The following DROSHA variants were observed in gnomAD, a reference collection of about 807,000 sequenced individuals.
DROSHA encodes the protein drosha ribonuclease III, also known as ribonuclease 3.
In DROSHA, 56 loss-of-function variants were observed where a neutral mutation model predicts 181.9. The ratio of observed to expected loss-of-function variants is 0.31; its 90% CI spans 0.25 to 0.38. DROSHA has a LOEUF of 0.38. DROSHA is among the 10% of genes least tolerant of loss of function. The pLI is 1.00. For missense variants in DROSHA, 1,218 were observed against 1,743.5 expected, an observed-to-expected ratio of 0.70 and a Z score of 5.37; for synonymous variants, 524 against 591.2, an observed-to-expected ratio of 0.89 and a Z score of 1.65.
chr5:31,436,475 C>T (rs1744801794), intron 24 of DROSHA, among the ~76,000 whole-genome samples: 1 of 151,310 alleles, frequency 6.6e-6, no homozygotes, highest in African/African-American at 2.4e-5. Flanking sequence ...TCAATGCAAC[C>T]TCCACCTCCC....
rs1442636699 is a variant in DROSHA at position 31,508,730 on chromosome 5, C to A, written c.1478G>T (p.Cys493Phe). Residue 493 changes from cysteine (C) to phenylalanine (F), a missense_variant, in exon 10 of 36, where the codon TGT becomes TTT. Transcript: ENST00000344624. ...SECESDEDSTCSSSSDSEVFD... is the reference protein window; with the variant it reads ...SECESDEDSTFSSSSDSEVFD... Reference sequence around the variant, plus strand: ...AACTTCAGAGTCTGAGCTGCTAGAACAGGTGCTGTCCTCATCAGACTCACA... The same window carrying A: ...AACTTCAGAGTCTGAGCTGCTAGAAAAGGTGCTGTCCTCATCAGACTCACA... 5 of 1,613,922 alleles carry A rather than the reference C, an allele frequency of 3.1e-6. No individual in the cohort carries two copies. The highest frequency in any genetic ancestry group is 3.3e-5 in the Admixed American group (2 of 60,024).
rs1268448291 is a variant in DROSHA, at chr5:31,503,357, C to T, written c.1668+1198G>A. On this transcript the variant is annotated intron_variant, in intron 11 of 35. Coordinates refer to ENST00000344624, the MANE Select transcript of DROSHA (RefSeq NM_001382508.1). Reference sequence around the variant, plus strand: ...GCTGAGCCCCCAAAATGGGACCATTCCTCCAGGAGACCAAACTGTCACCTG... The same window carrying T: ...GCTGAGCCCCCAAAATGGGACCATTTCTCCAGGAGACCAAACTGTCACCTG... 2.0e-5 allele frequency among the ~76,000 whole-genome samples: 3 copies of T among 152,208 alleles called. No homozygotes were observed. The East Asian group carries it at 5.8e-4, about 29-fold the overall frequency.
At chr5:31,508,475 A>G in intron 10 of DROSHA, 146 bp downstream of exon 10, 1 of 1,162,304 alleles carries the variant, frequency 8.6e-7, no homozygotes, top group Non-Finnish European at 1.2e-6. Flanking sequence ...AACTAACCTG[A>G]AGCTGAAAAG....
chr5:31,434,889 T>TA (rs1744601156), intron 25 of DROSHA, among the ~76,000 whole-genome samples: 1 of 152,210 alleles, frequency 6.6e-6, no homozygotes, highest in African/African-American at 2.4e-5. Flanking sequence ...GTAGCATCAA[T>TA]AAAAACAGCC....
chr5:31,410,990 A>T lies in DROSHA; in HGVS notation c.3526-103T>A, dbSNP rs1169466237. The T allele has an allele frequency of 2.6e-6, 4 of 1,517,356 alleles. No individual in the cohort carries two copies. In the Admixed American group the frequency reaches 7.7e-5, roughly 29 times the overall value. 94.0% of individuals were successfully genotyped at this position (1,517,356 alleles called of 1,614,324 possible). On this transcript the variant is annotated intron_variant, in intron 30 of 35. Transcript: ENST00000344624. ...GCCTGAGAGGCTGTCACTGACAGGG[A>T]CACCAAAATAAGTGAGGTCTATGGC...
intron 23 of DROSHA, among the ~76,000 whole-genome samples, chr5:31,444,851 A>G (rs1248194861): frequency 2.0e-5 from 3 of 152,224 alleles, no homozygotes; most frequent in African/African-American, 7.2e-5. Context: ...AAGAATTTTA[A>G]AGCTCTGTCC....
chr5:31,459,306 T>C (rs1748075651), intron 20 of DROSHA, among the ~76,000 whole-genome samples: 3 of 151,298 alleles, frequency 2.0e-5, no homozygotes, highest in South Asian at 2.1e-4. Context: ...AGCAGGAGGG[T>C]TGCTTAAGCC....
At chr5:31,451,670 CTT>C (rs1349977650) in intron 20 of DROSHA, 30 bp from the exon 21 acceptor site, 1 of 1,523,630 alleles carries the variant, frequency 6.6e-7, no homozygotes, top group African/African-American at 1.4e-5. Flanking sequence ...ATATGTTTAA[CTT>C]TATAAAAACT....
chr5:31,481,909 G>A (rs113998085), intron 16 of DROSHA, among the ~76,000 whole-genome samples: 3,029 of 152,274 alleles, frequency 0.02, 92 homozygotes, highest in African/African-American at 0.069. Context: ...GGCTGCCTCT[G>A]GCATCGGCAG....
intron 30 of DROSHA, among the ~76,000 whole-genome samples, chr5:31,412,363 C>T (rs554739541): frequency 2.0e-5 from 3 of 152,284 alleles, no homozygotes; most frequent in South Asian, 4.2e-4. Context: ...AAAACAGGGA[C>T]GAGGAACAGG....
At chr5:31,467,615 GA>G (rs1465660279) in intron 18 of DROSHA, 1 of 152,836 alleles carries the variant, frequency 6.5e-6, no homozygotes, top group Non-Finnish European at 1.5e-5. Flanking sequence ...AGAGGGCACT[GA>G]AAAAATAAAA....
At chr5:31,421,499 C>T in intron 29 of DROSHA, 122 bp from the exon 30 acceptor site, 1 of 784,578 alleles carries the variant, frequency 1.3e-6, no homozygotes, top group South Asian at 1.7e-5. Flanking sequence ...TTTTAAAGCA[C>T]AAAACCAAAT....
At chr5:31,523,578 CA>C (rs1740157052) in intron 5 of DROSHA, among the ~76,000 whole-genome samples, 1 of 152,166 alleles carries the variant, frequency 6.6e-6, no homozygotes, top group Non-Finnish European at 1.5e-5. Flanking sequence ...AATGTTTTCC[CA>C]GAAGCAAAAT....
In DROSHA at chr5:31,411,025, C is replaced by T. The variant is rs931753417; in HGVS notation, c.3526-138G>A. 8.2e-7 allele frequency: 1 copy of T among 1,217,192 alleles called. No individual in the cohort carries two copies. The highest frequency in any genetic ancestry group is 1.5e-5 in the African/African-American group (1 of 65,950). 75.4% of individuals were successfully genotyped at this position (1,217,192 alleles called of 1,614,324 possible). A position where few individuals can be genotyped will look rare whatever the true frequency, so the allele number is the denominator to read the frequency against. ...AAGTGAGGTCTATGGCCTCAACCAT[C>T]ACCCAGATGACAGTGATATGCTCCA... On this transcript the variant is annotated intron_variant, in intron 30 of 35. Transcript: ENST00000344624. This position sits in a 1 kb window ranked among gnomAD's most constrained non-coding sequence, Gnocchi z 4.2.
At position 31,529,032 on chromosome 5, in the gene DROSHA, G is replaced by C; in HGVS notation, c.20+8C>G. On this transcript the variant is annotated splice_region_variant and intron_variant, in intron 4 of 35. Coordinates refer to ENST00000344624, the MANE Select transcript of DROSHA (RefSeq NM_001382508.1). ...CCAAACTATTGCCATTCCCATCACG[G>C]CACTCACCATGTGTTTCCCTGCATC... 1 of 1,612,836 alleles carries C rather than the reference G, an allele frequency of 6.2e-7. No homozygotes were observed. The highest frequency in any genetic ancestry group is 8.5e-7 in the Non-Finnish European group (1 of 1,179,544).
At chr5:31,516,688 G>C (rs1200458642) in intron 6 of DROSHA, among the ~76,000 whole-genome samples, 2 of 152,158 alleles carry the variant, frequency 1.3e-5, no homozygotes, top group African/African-American at 4.8e-5. Flanking sequence ...ACCACTCAGA[G>C]AAAATCACTA....
chr5:31,437,362 C>T (rs939292767), intron 23 of DROSHA, 64 bp from the exon 24 acceptor site: 3 of 1,182,028 alleles, frequency 2.5e-6, no homozygotes, highest in Admixed American at 5.0e-5. Flanking sequence ...ACCCACCCAC[C>T]CCCGCAAGAA....
At chr5:31,501,785 T>C (rs928527062) in intron 11 of DROSHA, among the ~76,000 whole-genome samples, 4 of 152,168 alleles carry the variant, frequency 2.6e-5, no homozygotes, top group African/African-American at 9.7e-5. Context: ...TTCACAGACA[T>C]TTATAGTTAT....
intron 11 of DROSHA, among the ~76,000 whole-genome samples, chr5:31,497,609 C>T (rs191314857): frequency 2.6e-4 from 39 of 152,376 alleles, no homozygotes; most frequent in Non-Finnish European, 3.5e-4. Context: ...AACTGCCAGT[C>T]CCACTGTGGA....
Sources: allele counts gnomAD v4.1 joint callset (sites outside exome capture counted in the v4.1 genomes callset), GRCh38; gene constraint gnomAD v4.1.1; non-coding constraint Gnocchi (gnomAD v3.1); transcripts MANE v1.5; gene names NCBI Gene and HGNC (gene_info 2026-07-23, HGNC 2026-07-21).